ADAMTS19: variants seen among roughly 807,000 people sequenced by gnomAD.
ADAMTS19 encodes the protein A disintegrin and metalloproteinase with thrombospondin motifs 19.
A neutral mutation model predicts 153.3 loss-of-function variants in ADAMTS19; 93 were observed. That is an observed-to-expected ratio of 0.61 (90% CI 0.51 to 0.72). The LOEUF (loss-of-function observed/expected upper bound fraction) is 0.72. Among genes scored for constraint, ADAMTS19 ranks in the 30% least tolerant of loss-of-function variants. ADAMTS19 has a pLI of 0.00. For missense variants in ADAMTS19, 1,482 were observed against 1,552.1 expected, an observed-to-expected ratio of 0.95 and a Z score of 0.76; for synonymous variants, 600 against 556.6, an observed-to-expected ratio of 1.08 and a Z score of -1.10.
chr5:129,673,800 A>G (rs42254), intron 16 of ADAMTS19, among the ~76,000 whole-genome samples: 89,443 of 151,898 alleles, frequency 0.59, 27,551 homozygotes, highest in Non-Finnish European at 0.69. Context: ...TACACTTAGG[A>G]TTGTTAAGTC....
At chr5:129,702,941 A>AAATATATATATATAT in intron 20 of ADAMTS19, among the ~76,000 whole-genome samples, 27 of 29,268 alleles carry the variant, frequency 9.2e-4, no homozygotes, top group Middle Eastern at 0.023. Flanking sequence ...AAAAAAAAAA[A>AAATATATATATATAT]ATATATATAT....
chr5:129,559,431 G>A (rs573601084), intron 7 of ADAMTS19, among the ~76,000 whole-genome samples: 1 of 152,154 alleles, frequency 6.6e-6, no homozygotes, highest in South Asian at 2.1e-4. Flanking sequence ...TTCATTAGTA[G>A]TAAAGGAAAT....
At chr5:129,724,936 GACC>G (rs1757144335) in intron 21 of ADAMTS19, among the ~76,000 whole-genome samples, 2 of 152,086 alleles carry the variant, frequency 1.3e-5, no homozygotes, top group Non-Finnish European at 2.9e-5. Flanking sequence ...AAGGGAGAAG[GACC>G]CTCAATGTTG....
intron 16 of ADAMTS19, among the ~76,000 whole-genome samples, chr5:129,679,271 A>T (rs1030743977): frequency 6.6e-6 from 1 of 152,206 alleles, no homozygotes; most frequent in African/African-American, 2.4e-5. Flanking sequence ...GAATTGTTTT[A>T]TAATGCATAT....
At position 129,588,438 on chromosome 5, in the gene ADAMTS19, G is replaced by A. The variant is rs560870331; in HGVS notation, c.1373-8121G>A. Among the ~76,000 whole-genome samples the A allele has an allele frequency of 4.6e-5, 7 of 152,164 alleles. No individual in the cohort carries two copies. In the South Asian group the frequency reaches 1.5e-3, roughly 32 times the overall value. On this transcript the variant is annotated intron_variant, in intron 7 of 22. Transcript: ENST00000274487. ...CTTCTAATTGTTAAAGTCTGTGTGT[G>A]TGTGAGAGAGAAAATTAGATAAAAC...
intron 21 of ADAMTS19, among the ~76,000 whole-genome samples, chr5:129,704,716 A>G (rs7712345): frequency 0.055 from 8,349 of 152,224 alleles, 346 homozygotes; most frequent in African/African-American, 0.12. Context: ...AAACAAATAG[A>G]ATACTGTCAG....
Position 129,461,093 on chromosome 5 carries a change from C to T in ADAMTS19, c.92-9C>T, listed in dbSNP as rs754870328. ...TTAAGCCCCGCACTTCTGTCTGCCC[C>T]GCCCGCAGAGCTGCAGTTCGCCCCC... On this transcript the variant is annotated splice_polypyrimidine_tract_variant and intron_variant, in intron 1 of 22. Transcript: ENST00000274487. The surrounding 1 kb of genome is among the most constrained non-coding windows in gnomAD (Gnocchi z 4.6). The T allele has an allele frequency of 5.6e-4, 780 of 1,387,364 alleles. 1 individual carries two copies. The highest frequency in any genetic ancestry group is 6.9e-4 in the Non-Finnish European group (739 of 1,072,312). The allele number at this position is 1,387,364 out of a possible 1,614,324, so 85.9% of individuals were successfully genotyped here. A position where few individuals can be genotyped will look rare whatever the true frequency, so the allele number is the denominator to read the frequency against.
chr5:129,491,545 C>G (rs1247298810), intron 2 of ADAMTS19, among the ~76,000 whole-genome samples: 2 of 152,120 alleles, frequency 1.3e-5, no homozygotes, highest in African/African-American at 4.8e-5. Flanking sequence ...TGGAATCCTT[C>G]TACTCGATTA....
At chr5:129,711,715 A>C (rs1024883140) in intron 21 of ADAMTS19, among the ~76,000 whole-genome samples, 5 of 152,084 alleles carry the variant, frequency 3.3e-5, no homozygotes, top group Non-Finnish European at 5.9e-5. Flanking sequence ...GCATTTCCAA[A>C]ATTTTGTTCC....
chr5:129,635,552 A>G (rs1328559405), intron 10 of ADAMTS19, among the ~76,000 whole-genome samples: 1 of 152,222 alleles, frequency 6.6e-6, no homozygotes, highest in Non-Finnish European at 1.5e-5. Context: ...TGGAACATAT[A>G]CATCATGGAA....
At chr5:129,647,707 G>A (rs1392487171) in intron 11 of ADAMTS19, 58 bp from the exon 12 acceptor site, 2 of 1,573,256 alleles carry the variant, frequency 1.3e-6, no homozygotes, top group Non-Finnish European at 1.7e-6. Context: ...TTATAGGCCA[G>A]CGAATGATTT....
chr5:129,705,797 T>C (rs1756124748), intron 21 of ADAMTS19, among the ~76,000 whole-genome samples: 1 of 152,178 alleles, frequency 6.6e-6, no homozygotes, highest in Non-Finnish European at 1.5e-5. Context: ...AGACAGTGGC[T>C]TGGAAGTCAA....
chr5:129,649,023 G>T (rs146375937), intron 13 of ADAMTS19, 53 bp downstream of exon 13: 1 of 1,483,562 alleles, frequency 6.7e-7, no homozygotes, highest in Non-Finnish European at 9.1e-7. Context: ...CTAGGTTTGC[G>T]AAGTGTTTTT....
At chr5:129,614,506 C>T (rs931814586) in intron 8 of ADAMTS19, among the ~76,000 whole-genome samples, 1 of 152,108 alleles carries the variant, frequency 6.6e-6, no homozygotes, top group Non-Finnish European at 1.5e-5. Flanking sequence ...TAAAAACTCT[C>T]AATAAATTAG....
intron 2 of ADAMTS19, among the ~76,000 whole-genome samples, chr5:129,482,451 A>G (rs1013792287): frequency 3.9e-5 from 6 of 152,194 alleles, no homozygotes; most frequent in Non-Finnish European, 7.3e-5. Context: ...AAGATATTTC[A>G]TGTGCAATAT....
chr5:129,489,395 G>A (rs1015629539), intron 2 of ADAMTS19, among the ~76,000 whole-genome samples: 1 of 152,082 alleles, frequency 6.6e-6, no homozygotes, highest in Non-Finnish European at 1.5e-5. Flanking sequence ...TAAATACTGA[G>A]TTTGGTCTTC....
In ADAMTS19 at chr5:129,647,941, G is replaced by T. The variant is rs201806642; in HGVS notation, c.2003+46G>T. The T allele has an allele frequency of 5.1e-6, 8 of 1,578,844 alleles. No individual in the cohort carries two copies. The East Asian group carries it at 1.8e-4, about 36-fold the overall frequency. ...TGGGGGAGGGCACTTTTCAATTTTGGAATGCAAAGGTTTTACTGATAAAGC... is the reference window on the plus strand; with the variant it reads ...TGGGGGAGGGCACTTTTCAATTTTGTAATGCAAAGGTTTTACTGATAAAGC... On this transcript the variant is annotated intron_variant, in intron 12 of 22. Transcript: ENST00000274487.
chr5:129,509,038 T>C (rs745896494), intron 2 of ADAMTS19, 39 bp from the exon 3 acceptor site: 3 of 1,465,214 alleles, frequency 2.0e-6, no homozygotes, highest in African/African-American at 1.4e-5. Flanking sequence ...TTTTTTCAAA[T>C]GATATTTCTT....
chr5:129,486,929 T>A (rs1410388374), intron 2 of ADAMTS19, among the ~76,000 whole-genome samples: 2 of 152,098 alleles, frequency 1.3e-5, no homozygotes, highest in East Asian at 3.8e-4. Flanking sequence ...GCAATGCCGG[T>A]TCATCAGAAA....
Sources: gnomAD v4.1 joint callset for allele counts (sites outside exome capture counted in the v4.1 genomes callset) on GRCh38, gnomAD v4.1.1 for gene constraint, Gnocchi (gnomAD v3.1) non-coding constraint, MANE v1.5 for transcripts, NCBI Gene and HGNC (gene_info 2026-07-23, HGNC 2026-07-21) for gene names.